Variants in UNC13C observed in about 807,000 individuals in gnomAD.
UNC13C encodes unc-13 homolog C.
UNC13C carries 174 observed loss-of-function variants against 245.4 expected under a neutral mutation model. The observed-to-expected ratio is 0.71, with a 90% CI of 0.63 to 0.80. The LOEUF (loss-of-function observed/expected upper bound fraction) is 0.80, where lower values mean the gene tolerates loss of function less well. UNC13C is among the 30% of genes least tolerant of loss of function. The probability of loss-of-function intolerance (pLI) is 0.00; values close to 1 mark genes in which losing one functional copy is unlikely to be tolerated. For missense variants in UNC13C, 2,829 were observed against 2,602.9 expected (o/e 1.09, Z -1.89); for synonymous variants, 992 against 895.1 (o/e 1.11, Z -1.93).
chr15:54,101,205 G>T (rs1399725136), intron 2 of UNC13C, among the ~76,000 whole-genome samples: 3 of 151,680 alleles, frequency 2.0e-5, no homozygotes, highest in Non-Finnish European at 2.9e-5. Flanking sequence ...CTTCTATCAT[G>T]GTTCCTTTTT....
At chr15:53,898,045 A>G in the UNC13C span, among the ~76,000 whole-genome samples, 26 of 152,282 alleles carry the variant, frequency 1.7e-4, no homozygotes, top group South Asian at 4.6e-3. Flanking sequence ...GCTGCTCTAT[A>G]CAAATGTTCT....
At chr15:54,333,254 C>T (rs1403186236) in intron 15 of UNC13C, among the ~76,000 whole-genome samples, 2 of 152,006 alleles carry the variant, frequency 1.3e-5, no homozygotes, top group East Asian at 1.9e-4. Context: ...CATCAAACCT[C>T]GCTAAAAGAA....
chr15:54,447,699 TTTG>T (rs577940977), intron 19 of UNC13C, among the ~76,000 whole-genome samples: 81 of 152,326 alleles, frequency 5.3e-4, no homozygotes, highest in African/African-American at 1.8e-3. Context: ...GTCTATCAAT[TTTG>T]TTGATCTTTT....
intron 5 of UNC13C, 90 bp downstream of exon 5, chr15:54,235,198 T>A: frequency 1.9e-6 from 2 of 1,065,972 alleles, no homozygotes; most frequent in Non-Finnish European, 2.8e-6. Context: ...CTGTCTAGCC[T>A]GTAAATATTC....
chr15:54,506,353 TA>T (rs1894475187), intron 22 of UNC13C, among the ~76,000 whole-genome samples: 1 of 152,170 alleles, frequency 6.6e-6, no homozygotes, highest in Non-Finnish European at 1.5e-5. Flanking sequence ...AAGTCCAAAG[TA>T]ATTGAACAGT....
the UNC13C span, among the ~76,000 whole-genome samples, chr15:53,905,525 A>G: frequency 6.6e-6 from 1 of 152,170 alleles, no homozygotes; most frequent in Admixed American, 6.5e-5. Context: ...AGGCAAAGAA[A>G]GACAAATACT....
At chr15:54,473,415 G>A (rs1289146164) in intron 19 of UNC13C, among the ~76,000 whole-genome samples, 2 of 151,828 alleles carry the variant, frequency 1.3e-5, no homozygotes, top group East Asian at 3.9e-4. Flanking sequence ...GTTAACTTTA[G>A]TTACCCCCGC....
intron 32 of UNC13C, among the ~76,000 whole-genome samples, chr15:54,624,406 A>G (rs201851959): frequency 8.1e-6 from 1 of 123,336 alleles, no homozygotes; most frequent in Non-Finnish European, 1.7e-5. Flanking sequence ...AAGTGAAATA[A>G]ATAGCTAGTA....
chr15:54,322,229 G>C lies in UNC13C; in HGVS notation c.4425+134G>C, dbSNP rs923851021. Reference sequence around the variant, plus strand: ...TTAGGGAATAGCGTAATGGGTTCCAGCTCAAAGTTCATTTGAAACATTTTT... The same window carrying C: ...TTAGGGAATAGCGTAATGGGTTCCACCTCAAAGTTCATTTGAAACATTTTT... On this transcript the variant is annotated intron_variant, in intron 14 of 32. Transcript: ENST00000260323. 6.7e-6 allele frequency: 5 copies of C among 751,654 alleles called. No individual in the cohort carries two copies. In the African/African-American group the frequency reaches 9.2e-5, roughly 14 times the overall value. The allele number at this position is 751,654 out of a possible 1,614,324, so 46.6% of individuals were successfully genotyped here.
At chr15:54,360,601 C>T (rs547512053) in intron 17 of UNC13C, among the ~76,000 whole-genome samples, 1 of 152,140 alleles carries the variant, frequency 6.6e-6, no homozygotes, top group South Asian at 2.1e-4. Context: ...CTGATATAAG[C>T]AAAGCTACTT....
At chr15:54,310,093 CT>C (rs945047070) in intron 13 of UNC13C, among the ~76,000 whole-genome samples, 45 of 147,434 alleles carry the variant, frequency 3.1e-4, no homozygotes, top group African/African-American at 7.2e-4. Flanking sequence ...ACTTTTTGAC[CT>C]TTTTTTTTTG....
intron 19 of UNC13C, among the ~76,000 whole-genome samples, chr15:54,455,205 C>CTCTCTCTATATATATATA (rs1388065398): frequency 3.2e-4 from 6 of 18,956 alleles, no homozygotes; most frequent in East Asian, 3.9e-3. Context: ...CTCTCTCTCT[C>CTCTCTCTATATATATATA]TATATATATA....
chr15:54,479,595 T>G (rs759996795), intron 19 of UNC13C, among the ~76,000 whole-genome samples: 2 of 152,140 alleles, frequency 1.3e-5, no homozygotes, highest in Non-Finnish European at 2.9e-5. Context: ...GGTGATAACT[T>G]ACTCCTGTCA....
At chr15:54,388,345 C>A (rs1036874627) in intron 17 of UNC13C, among the ~76,000 whole-genome samples, 9 of 152,142 alleles carry the variant, frequency 5.9e-5, no homozygotes, top group Non-Finnish European at 1.3e-4. Flanking sequence ...CAACATTCAA[C>A]ACTGGAGAAA....
At chr15:53,859,798 C>T in the UNC13C span, among the ~76,000 whole-genome samples, 1 of 152,148 alleles carries the variant, frequency 6.6e-6, no homozygotes, top group Non-Finnish European at 1.5e-5. Flanking sequence ...CGTCTCATTT[C>T]TGATACCTAT....
chr15:54,362,225 G>A (rs1206446529), intron 17 of UNC13C, among the ~76,000 whole-genome samples: 1 of 152,166 alleles, frequency 6.6e-6, no homozygotes, highest in African/African-American at 2.4e-5. Flanking sequence ...CTTTCCAGTG[G>A]GATGGAACTG....
chr15:54,057,154 G>T lies in UNC13C; in HGVS notation c.2983+41268G>T, dbSNP rs573939458. ...ATGGGCTAAATGCTCCAATTCAAAG[G>T]CACAGACTGGCAAATTGATTAAAGA... On this transcript the variant is annotated intron_variant, in intron 2 of 32. Transcript: ENST00000260323. 2.6e-5 allele frequency among the ~76,000 whole-genome samples: 4 copies of T among 152,162 alleles called. No individual in the cohort carries two copies. The South Asian group carries it at 8.3e-4, about 32-fold the overall frequency.
At chr15:53,865,682 A>T in the UNC13C span, among the ~76,000 whole-genome samples, 17 of 152,222 alleles carry the variant, frequency 1.1e-4, no homozygotes, top group Non-Finnish European at 2.5e-4. Flanking sequence ...TGAAGGCTTC[A>T]GTATTAAGAT....
chr15:54,608,502 A>T (rs1229916592), intron 30 of UNC13C, among the ~76,000 whole-genome samples: 1 of 152,210 alleles, frequency 6.6e-6, no homozygotes, highest in Non-Finnish European at 1.5e-5. Context: ...ACTTCTCTGA[A>T]GGTACAGGAT....
Sources: gnomAD v4.1 joint callset for allele counts (sites outside exome capture counted in the v4.1 genomes callset) on GRCh38, gnomAD v4.1.1 for gene constraint, MANE v1.5 for transcripts, NCBI Gene and HGNC (gene_info 2026-07-23, HGNC 2026-07-21) for gene names.